MAPK14: variants seen among roughly 807,000 people sequenced by gnomAD.
The protein encoded by MAPK14 is CSAID-binding protein.
In MAPK14, 16 loss-of-function variants were observed where a neutral mutation model predicts 49.6. The observed-to-expected ratio is 0.32, with a 90% CI of 0.22 to 0.49. The LOEUF is 0.49. MAPK14 is among the 20% of genes least tolerant of loss of function. MAPK14 has a pLI of 0.99. For synonymous variants in MAPK14, 142 were observed against 158.0 expected, an observed-to-expected ratio of 0.90 and a Z score of 0.76; for missense variants, 200 against 441.2, an observed-to-expected ratio of 0.45 and a Z score of 4.90.
intron 8 of MAPK14, among the ~76,000 whole-genome samples, chr6:36,081,907 AT>A (rs1241625610): frequency 2.0e-5 from 3 of 150,222 alleles, no homozygotes; most frequent in Non-Finnish European, 3.0e-5. Flanking sequence ...TTAAGTCTTT[AT>A]TTTTTTTTCA....
intron 1 of MAPK14, among the ~76,000 whole-genome samples, chr6:36,039,141 C>T (rs929162358): frequency 6.6e-6 from 1 of 152,062 alleles, no homozygotes; most frequent in Non-Finnish European, 1.5e-5. Context: ...ACATGTGATC[C>T]TATAAAAACC....
intron 7 of MAPK14, 118 bp downstream of exon 7, chr6:36,076,080 C>A: frequency 9.8e-7 from 1 of 1,015,946 alleles, no homozygotes; most frequent in Non-Finnish European, 1.4e-6. Context: ...CTCAGTGATC[C>A]TTTTAAAGCC....
chr6:36,072,611 A>G (rs1764348993), intron 3 of MAPK14, among the ~76,000 whole-genome samples: 1 of 151,868 alleles, frequency 6.6e-6, no homozygotes, highest in African/African-American at 2.4e-5. Flanking sequence ...CTAAAAATAC[A>G]AAGATTAGCC....
At chr6:36,078,911 C>T (rs1272914726) in intron 8 of MAPK14, among the ~76,000 whole-genome samples, 1 of 152,188 alleles carries the variant, frequency 6.6e-6, no homozygotes, top group Non-Finnish European at 1.5e-5. Context: ...GTTCTTAACC[C>T]TCATAGTGTG....
chr6:36,081,009 A>G (rs1171288838), intron 8 of MAPK14, among the ~76,000 whole-genome samples: 1 of 151,970 alleles, frequency 6.6e-6, no homozygotes, highest in African/African-American at 2.4e-5. Flanking sequence ...AGTCTTGCCT[A>G]TTCTTAATTA....
chr6:36,074,156 G>C, intron 6 of MAPK14, 60 bp downstream of exon 6: 1 of 1,340,102 alleles, frequency 7.5e-7, no homozygotes, highest in South Asian at 1.2e-5. Flanking sequence ...GTTTGACTAA[G>C]CAGGCAGACT....
chr6:36,099,571 A>T (rs1168731426), intron 9 of MAPK14, among the ~76,000 whole-genome samples: 1 of 152,216 alleles, frequency 6.6e-6, no homozygotes, highest in Admixed American at 6.5e-5. Context: ...TGCCTTTGCC[A>T]TTAGCCTCTA....
intron 8 of MAPK14, 105 bp downstream of exon 8, chr6:36,076,713 T>A: frequency 2.4e-6 from 2 of 819,372 alleles, no homozygotes; most frequent in Non-Finnish European, 3.9e-6. Flanking sequence ...AGTATTTTGC[T>A]TTTATAGTCT....
the MAPK14 span, among the ~76,000 whole-genome samples, chr6:36,122,433 G>A: frequency 2.6e-4 from 39 of 152,364 alleles, no homozygotes; most frequent in African/African-American, 9.1e-4. Context: ...CACAGACAGA[G>A]ATGCAGCGAT....
At chr6:36,076,020 G>A in intron 7 of MAPK14, 58 bp downstream of exon 7, 6 of 1,565,074 alleles carry the variant, frequency 3.8e-6, no homozygotes, top group Non-Finnish European at 5.3e-6. Context: ...ATGCATTTGG[G>A]ATTCTCAGAA....
chr6:36,077,698 A>G (rs1434696455), intron 8 of MAPK14, among the ~76,000 whole-genome samples: 1 of 152,148 alleles, frequency 6.6e-6, no homozygotes, highest in African/African-American at 2.4e-5. Flanking sequence ...CTCTCTGAAT[A>G]TTAGGATTGA....
At chr6:36,041,706 C>G (rs1762967102) in intron 1 of MAPK14, among the ~76,000 whole-genome samples, 1 of 152,056 alleles carries the variant, frequency 6.6e-6, no homozygotes, top group Non-Finnish European at 1.5e-5. Context: ...ACCAATTTAC[C>G]TGAAGTTTTC....
At chr6:36,050,817 A>T (rs1581752458) in intron 1 of MAPK14, among the ~76,000 whole-genome samples, 1 of 152,284 alleles carries the variant, frequency 6.6e-6, no homozygotes, top group East Asian at 1.9e-4. Context: ...GCAGGGCTAT[A>T]AGAGAAGCAG....
chr6:36,103,909 T>C (rs1765719091), intron 10 of MAPK14, among the ~76,000 whole-genome samples: 1 of 152,242 alleles, frequency 6.6e-6, no homozygotes, highest in Admixed American at 6.5e-5. Context: ...TTGGGTCATC[T>C]GTCTTCTTAA....
intron 8 of MAPK14, 44 bp from the exon 9 acceptor site, chr6:36,095,943 A>G: frequency 1.7e-6 from 2 of 1,207,502 alleles, no homozygotes; most frequent in Non-Finnish European, 2.4e-6. Context: ...TTTGTTTTTC[A>G]TTTTTATTTT....
At chr6:36,055,293 G>A (rs1388161800) in intron 2 of MAPK14, among the ~76,000 whole-genome samples, 2 of 152,194 alleles carry the variant, frequency 1.3e-5, no homozygotes, top group Admixed American at 6.5e-5. Flanking sequence ...AAATTGTTTT[G>A]TAAATTTTAT....
At chr6:36,117,268 G>T in the MAPK14 span, among the ~76,000 whole-genome samples, 1 of 152,186 alleles carries the variant, frequency 6.6e-6, no homozygotes, top group Non-Finnish European at 1.5e-5. Flanking sequence ...GCCAGCACTC[G>T]CTTTGTATGT....
chr6:36,075,586 G>A (rs2094486884), intron 6 of MAPK14, among the ~76,000 whole-genome samples: 1 of 152,150 alleles, frequency 6.6e-6, no homozygotes, highest in African/African-American at 2.4e-5. Context: ...GCAAACCTTT[G>A]TATGGACGTA....
intron 8 of MAPK14, among the ~76,000 whole-genome samples, chr6:36,077,061 G>A (rs756781499): frequency 2.3e-4 from 35 of 152,140 alleles, no homozygotes; most frequent in Non-Finnish European, 5.0e-4. Context: ...CTGCTTACTT[G>A]TTATGTTTGT....
Sources: gnomAD v4.1 joint callset for allele counts (sites outside exome capture counted in the v4.1 genomes callset) on GRCh38, gnomAD v4.1.1 for gene constraint, MANE v1.5 for transcripts, NCBI Gene and HGNC (gene_info 2026-07-23, HGNC 2026-07-21) for gene names.